Variants in CD2AP observed in about 807,000 individuals in gnomAD.
CD2AP encodes CD2-associated protein.
In CD2AP, 46 loss-of-function variants were observed where a neutral mutation model predicts 85.1. The observed-to-expected ratio is 0.54, with a 90% CI of 0.43 to 0.69. The LOEUF is 0.69. Among genes scored for constraint, CD2AP ranks in the 30% least tolerant of loss-of-function variants. CD2AP has a pLI of 0.00. For missense variants in CD2AP, 769 were observed against 729.5 expected (o/e 1.05, Z -0.62); for synonymous variants, 255 against 252.9 (o/e 1.01, Z -0.08).
chr6:47,583,775 A>T (rs2114110975), intron 11 of CD2AP, among the ~76,000 whole-genome samples: 1 of 152,320 alleles, frequency 6.6e-6, no homozygotes, highest in African/African-American at 2.4e-5. Context: ...TTGGGTAAAT[A>T]CCAAGGAGAG....
intron 11 of CD2AP, among the ~76,000 whole-genome samples, chr6:47,584,862 C>A (rs1270254191): frequency 6.6e-6 from 1 of 151,952 alleles, no homozygotes; most frequent in African/African-American, 2.4e-5. Flanking sequence ...TGTAGAACCA[C>A]ATGTAAGAGG....
intron 2 of CD2AP, among the ~76,000 whole-genome samples, chr6:47,525,153 T>C (rs1766689524): frequency 6.6e-6 from 1 of 152,100 alleles, no homozygotes; most frequent in African/African-American, 2.4e-5. Context: ...TCTAGACTAT[T>C]TTTTAAAATG....
intron 3 of CD2AP, among the ~76,000 whole-genome samples, chr6:47,539,275 A>G (rs1767140411): frequency 6.6e-6 from 1 of 152,146 alleles, no homozygotes; most frequent in South Asian, 2.1e-4. Flanking sequence ...TGAGAGACAT[A>G]TGTGTAGTGA....
At position 47,506,979 on chromosome 6, in the gene CD2AP, A is replaced by G. The variant is rs140346011; in HGVS notation, c.165+3539A>G. 2.9e-3 allele frequency among the ~76,000 whole-genome samples: 443 copies of G among 152,320 alleles called. 3 individuals are homozygous for G. The highest frequency in any genetic ancestry group is 0.01 in the African/African-American group (428 of 41,576). On this transcript the variant is annotated intron_variant, in intron 2 of 17. Coordinates refer to ENST00000359314, the MANE Select transcript of CD2AP (RefSeq NM_012120.3). ...CATTTTACTCATAGTAGATCTTTCAAAATTGTAGTCAGTCGTTTCAAACCC... is the reference window on the plus strand; with the variant it reads ...CATTTTACTCATAGTAGATCTTTCAGAATTGTAGTCAGTCGTTTCAAACCC...
At chr6:47,609,512 GCAAAA>G in intron 16 of CD2AP, 1 of 53,942 alleles carries the variant, frequency 1.9e-5, no homozygotes, top group Non-Finnish European at 3.4e-5. Flanking sequence ...CCCCATCTTT[GCAAAA>G]AAAAAAAAAA....
intron 3 of CD2AP, among the ~76,000 whole-genome samples, chr6:47,535,671 G>A (rs1767020484): frequency 6.6e-6 from 1 of 152,184 alleles, no homozygotes; most frequent in East Asian, 1.9e-4. Context: ...ATTGCCTGAA[G>A]GTGGATGGTT....
chr6:47,613,064 C>G (rs1463533229), intron 17 of CD2AP, among the ~76,000 whole-genome samples: 1 of 152,204 alleles, frequency 6.6e-6, no homozygotes, highest in Non-Finnish European at 1.5e-5. Flanking sequence ...AACTCCTCAT[C>G]TGTTCAAGTT....
chr6:47,505,719 A>T (rs1766135836), intron 2 of CD2AP, among the ~76,000 whole-genome samples: 1 of 55,126 alleles, frequency 1.8e-5, no homozygotes, highest in Non-Finnish European at 4.2e-5. Context: ...GGCCGGGCTG[A>T]GGGGCTCCTC....
chr6:47,505,470 T>TC (rs1766119403), intron 2 of CD2AP, among the ~76,000 whole-genome samples: 1 of 150,890 alleles, frequency 6.6e-6, no homozygotes. Context: ...CTCAATCTCT[T>TC]CCCCGCCTTT....
At chr6:47,606,330 C>T in intron 14 of CD2AP, 53 bp downstream of exon 14, 1 of 1,035,508 alleles carries the variant, frequency 9.7e-7, no homozygotes, top group South Asian at 1.3e-5. Flanking sequence ...ATGCAGAGTC[C>T]ATTGGAAGAT....
intron 6 of CD2AP, among the ~76,000 whole-genome samples, chr6:47,575,650 A>T (rs560362272): frequency 1.4e-4 from 22 of 152,328 alleles, no homozygotes; most frequent in African/African-American, 5.3e-4. Flanking sequence ...AGATTTTTAA[A>T]TAATGACATC....
At chr6:47,503,246 A>G in intron 1 of CD2AP, 34 bp from the exon 2 acceptor site, 2 of 1,594,336 alleles carry the variant, frequency 1.3e-6, no homozygotes, top group East Asian at 4.5e-5. Context: ...TGTGAATTAG[A>G]TTTTAGACAT....
rs1292687150 is a variant in CD2AP, at chr6:47,562,441, G to A, written c.541+7675G>A. On this transcript the variant is annotated intron_variant, in intron 5 of 17. Transcript: ENST00000359314. The stretch of plus-strand genomic sequence containing the variant: ...AATAATGAGATTGTGAGGAAAAATT[G>A]CTGGTATAATACCAGACTTTTGGGT... 2.0e-5 allele frequency among the ~76,000 whole-genome samples: 3 copies of A among 152,188 alleles called. No homozygotes were observed. In the East Asian group the frequency reaches 5.8e-4, roughly 29 times the overall value.
intron 2 of CD2AP, among the ~76,000 whole-genome samples, chr6:47,527,754 G>A: frequency 6.6e-6 from 1 of 152,080 alleles, no homozygotes; most frequent in East Asian, 2.0e-4. Flanking sequence ...TCCCCAACCA[G>A]AGAAAGTACT....
intron 11 of CD2AP, among the ~76,000 whole-genome samples, chr6:47,584,218 T>G (rs1768558455): frequency 6.6e-6 from 1 of 152,224 alleles, no homozygotes; most frequent in Admixed American, 6.5e-5. Context: ...AAGTTTTAAA[T>G]TTGATTGAAG....
intron 5 of CD2AP, among the ~76,000 whole-genome samples, chr6:47,556,049 CCTTTT>C (rs1353474016): frequency 7.1e-6 from 1 of 140,580 alleles, no homozygotes; most frequent in African/African-American, 2.6e-5. Context: ...ATTTTTTTTT[CCTTTT>C]CTTTTTTTTT....
chr6:47,489,885 T>A (rs1400749178), intron 1 of CD2AP, among the ~76,000 whole-genome samples: 1 of 151,824 alleles, frequency 6.6e-6, no homozygotes, highest in Non-Finnish European at 1.5e-5. Context: ...TAGTGTGGTT[T>A]AAAAAATAAA....
At position 47,503,453 on chromosome 6, in the gene CD2AP, A is replaced by C; in HGVS notation, c.165+13A>C. On this transcript the variant is annotated intron_variant, in intron 2 of 17. Transcript: ENST00000359314. Reference sequence around the variant, plus strand: ...CAATTTCGTTAAGGTAAGTATTTTCAGTTAAATTTCTAGCTCTTGCTTCAT... The same window carrying C: ...CAATTTCGTTAAGGTAAGTATTTTCCGTTAAATTTCTAGCTCTTGCTTCAT... 2 of 1,608,918 alleles carry C rather than the reference A, an allele frequency of 1.2e-6. No homozygotes were observed. The highest frequency in any genetic ancestry group is 2.2e-5 in the South Asian group (2 of 90,966).
chr6:47,626,481 G>A lies in CD2AP; in HGVS notation c.*2254G>A, dbSNP rs944535857. ...CTACGTGTGAGTATAAAAGACAAAAGTTGAACAGCATGGAATCTCATTGCC... is the reference window on the plus strand; with the variant it reads ...CTACGTGTGAGTATAAAAGACAAAAATTGAACAGCATGGAATCTCATTGCC... On this transcript the variant is annotated 3_prime_UTR_variant, in exon 18 of 18. Transcript: ENST00000359314. The A allele has an allele frequency of 1.3e-5, 2 of 152,282 alleles. No homozygotes were observed. The highest frequency in any genetic ancestry group is 2.9e-5 in the Non-Finnish European group (2 of 67,820). The allele number at this position is 152,282 out of a possible 1,614,324, so 9.4% of individuals were successfully genotyped here. A position where few individuals can be genotyped will look rare whatever the true frequency, so the allele number is the denominator to read the frequency against.
Sources: allele counts gnomAD v4.1 joint callset (sites outside exome capture counted in the v4.1 genomes callset), GRCh38; gene constraint gnomAD v4.1.1; transcripts MANE v1.5; gene names NCBI Gene and HGNC (gene_info 2026-07-23, HGNC 2026-07-21).